Variants in ACO1 observed in about 807,000 individuals in gnomAD.
The protein encoded by ACO1 is aconitase 1, also known as cytoplasmic aconitate hydratase.
In ACO1, 78 loss-of-function variants were observed where a neutral mutation model predicts 105.1. The ratio of observed to expected loss-of-function variants is 0.74; its 90% CI spans 0.62 to 0.90. The LOEUF (loss-of-function observed/expected upper bound fraction) is 0.90, where lower values mean the gene tolerates loss of function less well. Among genes scored for constraint, ACO1 ranks in the 40% least tolerant of loss-of-function variants. The pLI is 0.00. For missense variants in ACO1, 965 were observed against 1,111.1 expected, an observed-to-expected ratio of 0.87 and a Z score of 1.87; for synonymous variants, 364 against 397.4, an observed-to-expected ratio of 0.92 and a Z score of 1.00.
At chr9:32,413,026 AT>A (rs569655196) in intron 4 of ACO1, among the ~76,000 whole-genome samples, 42 of 146,640 alleles carry the variant, frequency 2.9e-4, no homozygotes, top group Non-Finnish European at 2.7e-4. Context: ...GTTCACTGTA[AT>A]TTTTTTTTTT....
At chr9:32,392,753 C>A (rs952957997) in intron 1 of ACO1, among the ~76,000 whole-genome samples, 1 of 152,188 alleles carries the variant, frequency 6.6e-6, no homozygotes, top group African/African-American at 2.4e-5. Context: ...TCAGGGACCC[C>A]GAACGGAGGG....
At chr9:32,405,742 C>G (rs756871902) in intron 2 of ACO1, 139 bp downstream of exon 2, 9 of 626,744 alleles carry the variant, frequency 1.4e-5, no homozygotes, top group Admixed American at 3.4e-5. Flanking sequence ...CACAAGCACT[C>G]ACATGCCTTT....
chr9:32,394,618 GC>G (rs556887944), intron 1 of ACO1, among the ~76,000 whole-genome samples: 211 of 152,312 alleles, frequency 1.4e-3, no homozygotes, highest in African/African-American at 4.9e-3. Flanking sequence ...TCAGAGCTGG[GC>G]TCTGGAGTCT....
intron 1 of ACO1, among the ~76,000 whole-genome samples, chr9:32,401,870 G>A (rs567747502): frequency 2.0e-5 from 3 of 152,334 alleles, no homozygotes; most frequent in South Asian, 4.1e-4. Flanking sequence ...CATGCAGAGT[G>A]TACCTGTGCT....
At chr9:32,404,473 A>C (rs949575979) in intron 1 of ACO1, among the ~76,000 whole-genome samples, 1 of 152,212 alleles carries the variant, frequency 6.6e-6, no homozygotes, top group Non-Finnish European at 1.5e-5. Flanking sequence ...TTAGTTGCCA[A>C]CTTTTATAAG....
In ACO1 at chr9:32,454,382, T is replaced by TG. The variant is rs746963487; in HGVS notation, c.*4272dup. On this transcript the variant is annotated 3_prime_UTR_variant, in exon 21 of 21. Coordinates refer to ENST00000309951, the MANE Select transcript of ACO1 (RefSeq NM_002197.3). ...ATTTTAAGGACAGGAATTGGTTTAC[T>TG]GACCTTGATGTTGGGATGACTCTTC... 1 of 152,238 alleles carries TG rather than the reference T, an allele frequency of 6.6e-6. No homozygotes were observed. The highest frequency in any genetic ancestry group is 1.5e-5 in the Non-Finnish European group (1 of 68,042). 9.4% of individuals were successfully genotyped at this position (152,238 alleles called of 1,614,324 possible).
chr9:32,424,132 ATAACT>A (rs904225681), intron 9 of ACO1, among the ~76,000 whole-genome samples: 1 of 152,202 alleles, frequency 6.6e-6, no homozygotes. Flanking sequence ...CCTGGTGTTG[ATAACT>A]TAACGGCTGC....
intron 12 of ACO1, among the ~76,000 whole-genome samples, chr9:32,427,971 T>G (rs1371213576): frequency 6.6e-6 from 1 of 152,154 alleles, no homozygotes; most frequent in Non-Finnish European, 1.5e-5. Flanking sequence ...CTTTTTAAAC[T>G]TTTTTGTTAA....
At chr9:32,432,578 A>G (rs568726513) in intron 15 of ACO1, among the ~76,000 whole-genome samples, 1 of 152,182 alleles carries the variant, frequency 6.6e-6, no homozygotes, top group South Asian at 2.1e-4. Context: ...GAGTTAATGG[A>G]CCTGTGGACA....
intron 4 of ACO1, among the ~76,000 whole-genome samples, chr9:32,411,594 C>T (rs1187491036): frequency 1.3e-5 from 2 of 151,972 alleles, no homozygotes. Context: ...GTGGACATTT[C>T]ATAATAAAAG....
rs1822838132 is a variant in ACO1 at position 32,454,558 on chromosome 9, A to C, written c.*4447A>C. Reference sequence around the variant, plus strand: ...CCAGGATGCTCTAATGGGGCTGGGCATGTGTCCATGAAAAAGACTCCCCAG... The same window carrying C: ...CCAGGATGCTCTAATGGGGCTGGGCCTGTGTCCATGAAAAAGACTCCCCAG... On this transcript the variant is annotated 3_prime_UTR_variant, in exon 21 of 21. Coordinates refer to ENST00000309951, the MANE Select transcript of ACO1 (RefSeq NM_002197.3). 1.3e-5 allele frequency: 2 copies of C among 152,184 alleles called. No homozygotes were observed. Among genetic ancestry groups the C allele is most frequent in the African/African-American group, 4.8e-5 (2 of 41,446 alleles). The allele number at this position is 152,184 out of a possible 1,614,324, so 9.4% of individuals were successfully genotyped here.
chr9:32,441,643 T>C (rs1015947829), intron 19 of ACO1, among the ~76,000 whole-genome samples: 4 of 152,152 alleles, frequency 2.6e-5, no homozygotes, highest in Non-Finnish European at 5.9e-5. Context: ...AAAAGGATTT[T>C]AGGAAGGGGG....
At chr9:32,422,200 GCC>G (rs967250667) in intron 8 of ACO1, among the ~76,000 whole-genome samples, 6 of 152,144 alleles carry the variant, frequency 3.9e-5, no homozygotes, top group African/African-American at 1.4e-4. Flanking sequence ...GCTGCAGGTG[GCC>G]ATTATACTTC....
intron 1 of ACO1, among the ~76,000 whole-genome samples, chr9:32,400,410 G>A (rs1821470584): frequency 6.6e-6 from 1 of 152,162 alleles, no homozygotes; most frequent in Non-Finnish European, 1.5e-5. Flanking sequence ...TTGGATTAGT[G>A]TGTTTGACTT....
chr9:32,407,793 G>C (rs1377733660), intron 3 of ACO1, among the ~76,000 whole-genome samples: 1 of 152,268 alleles, frequency 6.6e-6, no homozygotes, highest in South Asian at 2.1e-4. Flanking sequence ...CAGGAAACCA[G>C]GTGTGTCAAA....
chr9:32,407,360 G>A lies in ACO1; in HGVS notation c.197G>A (p.Trp66Ter), dbSNP rs776065204. 9 of 1,614,088 alleles carry A rather than the reference G, an allele frequency of 5.6e-6. No homozygotes were observed. The highest frequency in any genetic ancestry group is 1.1e-5 in the South Asian group (1 of 91,076). Reference protein sequence around the residue: ...KKQDIENILHWNVTQHKNIEV... With the variant: ...KKQDIENILH ...CAGGATATTGAAAATATTCTACATT[G>A]GAATGTCACGCAGCACAAGAACATA... is the stretch of plus-strand genomic sequence containing the variant. Residue 66 changes from tryptophan to a stop codon, truncating the protein, a stop_gained, in exon 3 of 21, where the codon TGG becomes TAG. Coordinates refer to ENST00000309951, the MANE Select transcript of ACO1 (RefSeq NM_002197.3). LOFTEE classifies it high-confidence loss of function.
chr9:32,427,462 A>G (rs1822126352), intron 12 of ACO1, 26 bp downstream of exon 12: 1 of 1,613,846 alleles, frequency 6.2e-7, no homozygotes, highest in Non-Finnish European at 8.5e-7. Context: ...CTTTTGCACC[A>G]TTGCTTTTGT....
At chr9:32,436,046 C>T (rs946280437) in intron 17 of ACO1, 2 of 707,050 alleles carry the variant, frequency 2.8e-6, no homozygotes, top group Non-Finnish European at 5.1e-6. Context: ...ACTTATGCCT[C>T]TCACCACCCC....
At chr9:32,448,361 G>A (rs535216804) in intron 19 of ACO1, among the ~76,000 whole-genome samples, 91 of 152,334 alleles carry the variant, frequency 6.0e-4, no homozygotes, top group Non-Finnish European at 1.2e-3. Context: ...AGCAATGGCC[G>A]ATGCCCCTCT....
Sources: gnomAD v4.1 joint callset for allele counts (sites outside exome capture counted in the v4.1 genomes callset) on GRCh38, gnomAD v4.1.1 for gene constraint, MANE v1.5 for transcripts, NCBI Gene and HGNC (gene_info 2026-07-23, HGNC 2026-07-21) for gene names.